The following SNX9 variants were observed in gnomAD, a reference collection of about 807,000 sequenced individuals.
The protein encoded by SNX9 is sorting nexin-9.
Under a neutral mutation model 89.4 loss-of-function variants are expected in SNX9, and 44 were observed. The ratio of observed to expected loss-of-function variants is 0.49; its 90% CI spans 0.39 to 0.63. SNX9 has a LOEUF of 0.63. Among genes scored for constraint, SNX9 ranks in the 30% least tolerant of loss-of-function variants. SNX9 has a pLI of 0.00. For synonymous variants in SNX9, 236 were observed against 247.8 expected (o/e 0.95, Z 0.45); for missense variants, 578 against 736.1 (o/e 0.79, Z 2.49).
chr6:157,941,242 C>A (rs1186066770), intron 17 of SNX9, among the ~76,000 whole-genome samples: 2 of 152,114 alleles, frequency 1.3e-5, no homozygotes, highest in African/African-American at 4.8e-5. Flanking sequence ...TTGTGCAGCT[C>A]CTTCCCCCCG....
chr6:157,855,042 T>A (rs1362409370), intron 1 of SNX9, among the ~76,000 whole-genome samples: 1 of 151,966 alleles, frequency 6.6e-6, no homozygotes, highest in East Asian at 1.9e-4. Context: ...CCTTTAGCCA[T>A]CTTCTTTCCT....
At chr6:157,899,818 A>G (rs1253677826) in intron 5 of SNX9, among the ~76,000 whole-genome samples, 1 of 152,148 alleles carries the variant, frequency 6.6e-6, no homozygotes, top group Non-Finnish European at 1.5e-5. Context: ...GTGATGTTGT[A>G]ATATACATGT....
chr6:157,919,019 G>A (rs1020714769), intron 9 of SNX9, among the ~76,000 whole-genome samples: 6 of 151,962 alleles, frequency 3.9e-5, no homozygotes, highest in Non-Finnish European at 7.4e-5. Flanking sequence ...TATATCTATA[G>A]AATCTTTTAC....
chr6:157,842,719 G>C (rs558810331), intron 1 of SNX9, among the ~76,000 whole-genome samples: 3 of 152,280 alleles, frequency 2.0e-5, no homozygotes, highest in African/African-American at 7.2e-5. Flanking sequence ...GGTTGGGCCA[G>C]GTTACTGGTC....
intron 2 of SNX9, among the ~76,000 whole-genome samples, chr6:157,871,773 C>CTTTTTT (rs750179923): frequency 8.2e-6 from 1 of 122,218 alleles, no homozygotes; most frequent in Non-Finnish European, 1.7e-5. Context: ...TCAGTCTTAC[C>CTTTTTT]TTTTTTTTTT....
At position 157,938,751 on chromosome 6, in the gene SNX9, A is replaced by C. The variant is rs753626280; in HGVS notation, c.1648+4A>C. 12 of 1,610,054 alleles carry C rather than the reference A, an allele frequency of 7.5e-6. No individual in the cohort carries two copies. In the Admixed American group the frequency reaches 2.0e-4, roughly 27 times the overall value. ...ATCATGTCTTACGCGTTGCAAGGTA[A>C]GATGAAAGGGTCCTTATGAGGTGCT... On this transcript the variant is annotated splice_donor_region_variant and intron_variant, in intron 16 of 17. Coordinates refer to ENST00000392185, the MANE Select transcript of SNX9 (RefSeq NM_016224.5).
intron 5 of SNX9, among the ~76,000 whole-genome samples, chr6:157,901,252 G>A (rs904138241): frequency 6.6e-6 from 1 of 152,082 alleles, no homozygotes; most frequent in Non-Finnish European, 1.5e-5. Context: ...TTATTCCATA[G>A]CAATAGTTTC....
At chr6:157,868,320 C>T (rs1782309968) in intron 2 of SNX9, among the ~76,000 whole-genome samples, 1 of 152,244 alleles carries the variant, frequency 6.6e-6, no homozygotes, top group Non-Finnish European at 1.5e-5. Flanking sequence ...CATGCATCTT[C>T]AGGTACACTC....
At chr6:157,917,758 T>C (rs1783502573) in intron 9 of SNX9, among the ~76,000 whole-genome samples, 1 of 152,180 alleles carries the variant, frequency 6.6e-6, no homozygotes, top group African/African-American at 2.4e-5. Context: ...ATCATTGTTA[T>C]ACTGTATTGT....
intron 4 of SNX9, among the ~76,000 whole-genome samples, chr6:157,880,868 G>A (rs946845685): frequency 1.3e-5 from 2 of 152,204 alleles, no homozygotes; most frequent in African/African-American, 4.8e-5. Context: ...TAGCATCTCT[G>A]TGCCTCATCT....
chr6:157,880,086 T>A (rs1782593949), intron 4 of SNX9, among the ~76,000 whole-genome samples: 1 of 152,184 alleles, frequency 6.6e-6, no homozygotes, highest in Admixed American at 6.5e-5. Context: ...TCTCTCTGTT[T>A]TTCTGTTTCA....
chr6:157,894,535 G>C (rs750988401), intron 4 of SNX9, among the ~76,000 whole-genome samples: 1 of 151,320 alleles, frequency 6.6e-6, no homozygotes, highest in Non-Finnish European at 1.5e-5. Context: ...TGGGGGCAGG[G>C]CTAATAGGTG....
intron 10 of SNX9, among the ~76,000 whole-genome samples, chr6:157,925,781 C>T (rs1783679565): frequency 6.6e-6 from 1 of 152,130 alleles, no homozygotes; most frequent in South Asian, 2.1e-4. Flanking sequence ...GGTGGTAAAA[C>T]TCTAAACAAA....
chr6:157,868,936 G>T (rs965881820), intron 2 of SNX9, among the ~76,000 whole-genome samples: 19 of 152,186 alleles, frequency 1.2e-4, no homozygotes, highest in Admixed American at 3.3e-4. Flanking sequence ...ACACTGCAAC[G>T]TGTCTCTTCT....
intron 10 of SNX9, among the ~76,000 whole-genome samples, chr6:157,926,364 G>A (rs1028137381): frequency 6.6e-6 from 1 of 152,168 alleles, no homozygotes; most frequent in East Asian, 1.9e-4. Context: ...TGGGTACTCT[G>A]TGTGTGTATA....
intron 9 of SNX9, among the ~76,000 whole-genome samples, chr6:157,912,067 C>G (rs1456516200): frequency 1.3e-5 from 2 of 152,182 alleles, no homozygotes; most frequent in African/African-American, 4.8e-5. Flanking sequence ...AGTTCAGACA[C>G]TCCCTGTACC....
intron 2 of SNX9, among the ~76,000 whole-genome samples, chr6:157,869,799 C>G (rs1376518279): frequency 6.6e-6 from 1 of 152,282 alleles, no homozygotes; most frequent in Admixed American, 6.5e-5. Context: ...CAGGCACACA[C>G]ACGTGCACCC....
chr6:157,842,205 G>T (rs1204210634), intron 1 of SNX9, among the ~76,000 whole-genome samples: 2 of 152,164 alleles, frequency 1.3e-5, no homozygotes, highest in Non-Finnish European at 2.9e-5. Flanking sequence ...CTATTAAGTT[G>T]CTTGATAGTA....
chr6:157,879,394 T>C (rs1217524139), intron 4 of SNX9, among the ~76,000 whole-genome samples: 1 of 152,212 alleles, frequency 6.6e-6, no homozygotes, highest in Non-Finnish European at 1.5e-5. Flanking sequence ...ATGGGTAATG[T>C]TATCTTTCTT....
Sources: allele counts gnomAD v4.1 joint callset (sites outside exome capture counted in the v4.1 genomes callset), GRCh38; gene constraint gnomAD v4.1.1; transcripts MANE v1.5; gene names NCBI Gene and HGNC (gene_info 2026-07-23, HGNC 2026-07-21).